TPTE2: variants seen among roughly 807,000 people sequenced by gnomAD.
The protein encoded by TPTE2 is transmembrane phosphoinositide 3-phosphatase and tensin homolog 2.
TPTE2 carries 53 observed loss-of-function variants against 78.6 expected under a neutral mutation model. That is an observed-to-expected ratio of 0.67 (90% CI 0.54 to 0.85). The LOEUF (loss-of-function observed/expected upper bound fraction) is 0.85. TPTE2 is among the 40% of genes least tolerant of loss of function. TPTE2 has a pLI of 0.00. For missense variants in TPTE2, 461 were observed against 623.0 expected, an observed-to-expected ratio of 0.74 and a Z score of 2.77; for synonymous variants, 175 against 206.2, an observed-to-expected ratio of 0.85 and a Z score of 1.30.
intron 1 of TPTE2, among the ~76,000 whole-genome samples, chr13:19,509,324 A>T (rs552417719): frequency 1.3e-5 from 2 of 152,278 alleles, no homozygotes; most frequent in African/African-American, 4.8e-5. Context: ...CGTGGAGAAG[A>T]TTAACAAAAC....
At chr13:19,435,787 C>CACAT (rs1387783414) in intron 15 of TPTE2, among the ~76,000 whole-genome samples, 1 of 151,142 alleles carries the variant, frequency 6.6e-6, no homozygotes. Flanking sequence ...CACACACACA[C>CACAT]ACACACCAGG....
intron 3 of TPTE2, 65 bp downstream of exon 6, chr13:19,492,785 C>T (rs1593394414): frequency 6.3e-7 from 1 of 1,594,546 alleles, no homozygotes; most frequent in Non-Finnish European, 8.6e-7. Flanking sequence ...TGTGTATGTG[C>T]TTGGTGTGTG....
chr13:19,431,098 G>A (rs1330536380), intron 16 of TPTE2, among the ~76,000 whole-genome samples: 3 of 150,564 alleles, frequency 2.0e-5, no homozygotes, highest in African/African-American at 7.3e-5. Context: ...CTGCACTCCA[G>A]CCTGGGTGAC....
intron 18 of TPTE2, 195 bp downstream of exon 21, chr13:19,426,230 T>C (rs1159967464): frequency 3.9e-6 from 2 of 519,104 alleles, no homozygotes; most frequent in East Asian, 7.2e-5. Flanking sequence ...TTAGAAAATT[T>C]ACAATTTAGA....
chr13:19,561,397 C>T, the TPTE2 span: 6 of 448,188 alleles, frequency 1.3e-5, no homozygotes, highest in East Asian at 2.1e-4. Context: ...CCGCCACCTC[C>T]CGGGGCGCCG....
In TPTE2 at chr13:19,535,412, A is replaced by G. The variant is rs1048517802; in HGVS notation, c.-44+1184T>C. Among the ~76,000 whole-genome samples the G allele has an allele frequency of 1.3e-5, 2 of 151,816 alleles. No homozygotes were observed. Among genetic ancestry groups the G allele is most frequent in the African/African-American group, 4.8e-5 (2 of 41,384 alleles). ...TCACTGGCTAGTGAAAATTAGAAAA[A>G]TTTAAGGAATTCTCAGCAAATGTCT... On this transcript the variant is annotated intron_variant, in intron 1 of 17. Coordinates refer to the TPTE2 transcript ENST00000390680. The surrounding 1 kb of genome is among the most constrained non-coding windows in gnomAD (Gnocchi z 5.1).
At chr13:19,484,306 C>T (rs570375046) in intron 3 of TPTE2, among the ~76,000 whole-genome samples, 1 of 152,100 alleles carries the variant, frequency 6.6e-6, no homozygotes, top group African/African-American at 2.4e-5. Context: ...AGTTTTATTC[C>T]ACTGTGGTAA....
chr13:19,436,242 A>G, exon 15 of TPTE2: 1 of 1,612,598 alleles, frequency 6.2e-7, no homozygotes, highest in Middle Eastern at 1.7e-4. Context: ...AGGAGTTTCT[A>G]CTCCCTGAAA....
At chr13:19,519,565 C>T (rs1282738558) in intron 1 of TPTE2, among the ~76,000 whole-genome samples, 1 of 152,134 alleles carries the variant, frequency 6.6e-6, no homozygotes, top group Non-Finnish European at 1.5e-5. Context: ...TCTTGGTACC[C>T]TTGTGGAAAA....
chr13:19,430,475 T>C (rs145157824), exon 17 of TPTE2: 7 of 1,609,406 alleles, frequency 4.3e-6, no homozygotes, highest in Non-Finnish European at 5.1e-6. Context: ...TACCGAACAA[T>C]TTCCTAATGA....
chr13:19,537,206 C>T (rs1305142757), upstream of TPTE2, among the ~76,000 whole-genome samples: 2 of 149,024 alleles, frequency 1.3e-5, no homozygotes, highest in South Asian at 4.2e-4. Context: ...CATTTGCCCA[C>T]TATTTTGGGG....
intron 6 of TPTE2, among the ~76,000 whole-genome samples, chr13:19,470,887 TTTTATTTA>T (rs57724907): frequency 9.9e-4 from 138 of 139,632 alleles, no homozygotes; most frequent in African/African-American, 2.0e-3. Flanking sequence ...GATCTTTTTA[TTTTATTTA>T]TTTATTTATT....
At chr13:19,456,053 G>GA (rs1427545170) in intron 10 of TPTE2, among the ~76,000 whole-genome samples, 3 of 151,926 alleles carry the variant, frequency 2.0e-5, no homozygotes, top group Non-Finnish European at 4.4e-5. Flanking sequence ...AATAAAGAAA[G>GA]AAAAAAGTAT....
At chr13:19,537,727 T>G (rs1351110027), upstream of TPTE2, among the ~76,000 whole-genome samples, 1 of 151,488 alleles carries the variant, frequency 6.6e-6, no homozygotes, top group African/African-American at 2.4e-5. Context: ...CTCAGCCTCC[T>G]GAGTAGCTGG....
chr13:19,526,391 CAGCCTAAA>C (rs1159609074), intron 1 of TPTE2, among the ~76,000 whole-genome samples: 1 of 152,026 alleles, frequency 6.6e-6, no homozygotes, highest in African/African-American at 2.4e-5. Context: ...TGCAGCAATC[CAGCCTAAA>C]AGCCTAAAAG....
At chr13:19,423,235 G>A (rs1415383898) in intron 19 of TPTE2, 71 bp from the exon 23 acceptor site, 17 of 1,203,194 alleles carry the variant, frequency 1.4e-5, no homozygotes, top group South Asian at 6.2e-5. Context: ...GGGTACCCAC[G>A]TTAGAGCTGG....
intron 10 of TPTE2, among the ~76,000 whole-genome samples, chr13:19,462,074 G>A (rs1256985567): frequency 2.0e-5 from 3 of 148,898 alleles, no homozygotes; most frequent in Non-Finnish European, 3.0e-5. Context: ...TGGTTGTTTT[G>A]TATATCCTTT....
At chr13:19,553,385 G>A in the TPTE2 span, among the ~76,000 whole-genome samples, 1 of 152,066 alleles carries the variant, frequency 6.6e-6, no homozygotes, top group Non-Finnish European at 1.5e-5. Flanking sequence ...CAGTTTGATG[G>A]CTTCTTAAAA....
At chr13:19,424,844 C>A in intron 19 of TPTE2, 103 bp downstream of exon 22, 2 of 767,266 alleles carry the variant, frequency 2.6e-6, no homozygotes, top group Non-Finnish European at 2.1e-6. Flanking sequence ...TTTTTGCTTT[C>A]TATAAATTAA....
Sources: gnomAD v4.1 joint callset for allele counts (sites outside exome capture counted in the v4.1 genomes callset) on GRCh38, gnomAD v4.1.1 for gene constraint, Gnocchi (gnomAD v3.1) non-coding constraint, MANE v1.5 for transcripts, NCBI Gene and HGNC (gene_info 2026-07-23, HGNC 2026-07-21) for gene names.